The following CTPS2 variants were observed in gnomAD, a reference collection of about 807,000 sequenced individuals.
The protein encoded by CTPS2 is CTP synthase II.
In CTPS2, 19 loss-of-function variants were observed where a neutral mutation model predicts 46.8. That is an observed-to-expected ratio of 0.41 (90% CI 0.28 to 0.60). The LOEUF is 0.60. Among genes scored for constraint, CTPS2 ranks in the 20% least tolerant of loss-of-function variants. The pLI is 0.35. For missense variants in CTPS2, 286 were observed against 447.6 expected (o/e 0.64, Z 3.26); for synonymous variants, 151 against 165.2 (o/e 0.91, Z 0.66).
chrX:16,595,182 C>CACAT (rs62900861), intron 17 of CTPS2, among the ~76,000 whole-genome samples: 1 of 111,819 alleles, frequency 8.9e-6, no homozygotes, highest in Non-Finnish European at 1.9e-5. Flanking sequence ...CACACACACA[C>CACAT]ACACACACAC....
chrX:16,655,502 AC>A (rs1932796226), intron 13 of CTPS2, among the ~76,000 whole-genome samples: 1 of 111,298 alleles, frequency 9.0e-6, no homozygotes, highest in Admixed American at 9.5e-5. Flanking sequence ...ACTTTCTGCT[AC>A]CCCTTACCAG....
At chrX:16,668,172 G>A (rs1921355026) in intron 11 of CTPS2, among the ~76,000 whole-genome samples, 1 of 109,301 alleles carries the variant, frequency 9.1e-6, no homozygotes, top group South Asian at 4.0e-4. Context: ...TGAGGCAGGA[G>A]AATTACTTGA....
At chrX:16,673,039 A>C (rs995867460) in intron 10 of CTPS2, among the ~76,000 whole-genome samples, 1 of 104,765 alleles carries the variant, frequency 9.5e-6, no homozygotes, top group African/African-American at 3.5e-5. Context: ...GGCGCCCGCC[A>C]CTACGCCCGG....
intron 17 of CTPS2, among the ~76,000 whole-genome samples, chrX:16,596,734 G>C (rs1412419626): frequency 7.6e-5 from 8 of 105,658 alleles, no homozygotes; most frequent in Non-Finnish European, 1.4e-4. Context: ...GGGTCAAATG[G>C]TATTTCTAGT....
intron 17 of CTPS2, among the ~76,000 whole-genome samples, chrX:16,606,002 A>C (rs1929950648): frequency 8.9e-6 from 1 of 112,344 alleles, no homozygotes; most frequent in African/African-American, 3.2e-5. Flanking sequence ...TTAGCTCACT[A>C]GCTGTAAATC....
chrX:16,654,024 C>A (rs1259059885), intron 13 of CTPS2, among the ~76,000 whole-genome samples: 1 of 111,950 alleles, frequency 8.9e-6, no homozygotes, highest in African/African-American at 3.2e-5. Context: ...TCCAGGAAAA[C>A]CTTGGGGCAG....
intron 1 of CTPS2, among the ~76,000 whole-genome samples, chrX:16,706,100 C>CAA (rs750908411): frequency 2.6e-5 from 2 of 76,604 alleles, no homozygotes; most frequent in East Asian, 7.9e-4. Flanking sequence ...GACTCTGCCT[C>CAA]AAAAAAAAAA....
At chrX:16,624,880 G>A (rs1180639506) in intron 14 of CTPS2, among the ~76,000 whole-genome samples, 1 of 112,288 alleles carries the variant, frequency 8.9e-6, no homozygotes, top group Non-Finnish European at 1.9e-5. Context: ...CAGGCAGAAA[G>A]ACACCAAAAA....
intron 17 of CTPS2, among the ~76,000 whole-genome samples, chrX:16,607,743 T>C (rs1351801354): frequency 8.9e-6 from 1 of 112,864 alleles, no homozygotes; most frequent in Non-Finnish European, 1.9e-5. Flanking sequence ...TTTGCCAGAA[T>C]GAGGGTTGGC....
rs371099935 is a variant in CTPS2 at position 16,633,138 on chromosome X, C to T, written c.1393+6009G>A. On this transcript the variant is annotated intron_variant, in intron 14 of 18. Transcript: ENST00000359276. ...TCACTCTATTGCCCAGACTGGAGTG[C>T]GGTGGTACAATCATGGCTCACTGCA... Among the ~76,000 whole-genome samples, 10 of 99,884 alleles carry T rather than the reference C, an allele frequency of 1.0e-4. No individual in the cohort carries two copies. In the Admixed American group the frequency reaches 1.0e-3, roughly 10 times the overall value. The allele number at this position is 99,884 out of a possible 115,157, so 86.7% of individuals were successfully genotyped here.
At chrX:16,711,508 C>G (rs1446765849) in intron 1 of CTPS2, 1 of 110,935 alleles carries the variant, frequency 9.0e-6, no homozygotes, top group East Asian at 2.8e-4. Context: ...CAAAAGAGTA[C>G]TTACCTGATG....
chrX:16,604,966 G>A (rs945009852), intron 17 of CTPS2, among the ~76,000 whole-genome samples: 2 of 112,052 alleles, frequency 1.8e-5, no homozygotes, highest in Non-Finnish European at 3.8e-5. Context: ...AGTTAGACTC[G>A]TGTAAAAAAA....
chrX:16,678,800 C>T (rs1010910539), intron 9 of CTPS2, among the ~76,000 whole-genome samples: 2 of 109,247 alleles, frequency 1.8e-5, no homozygotes, highest in Admixed American at 2.0e-4. Context: ...CTGGGAGGTC[C>T]GGGCTGCAAT....
At chrX:16,699,218 CT>C in intron 2 of CTPS2, 125 bp from the exon 3 acceptor site, 1 of 433,215 alleles carries the variant, frequency 2.3e-6, no homozygotes, top group Non-Finnish European at 3.8e-6. Flanking sequence ...TCACCATCTC[CT>C]TTTTGGTGGA....
At chrX:16,663,881 G>C (rs1184981399) in intron 13 of CTPS2, among the ~76,000 whole-genome samples, 1 of 110,505 alleles carries the variant, frequency 9.0e-6, no homozygotes, top group Non-Finnish European at 1.9e-5. Context: ...TGTCACCCAG[G>C]CTGGAGTACA....
chrX:16,588,655 A>T lies in CTPS2; in HGVS notation c.*1162T>A, dbSNP rs972869290. On this transcript the variant is annotated 3_prime_UTR_variant, in exon 19 of 19. Transcript: ENST00000359276. The stretch of plus-strand genomic sequence containing the variant: ...ATATCCAGAATAGAAAAAGCCACAG[A>T]AATAAAAAGGAGATCAGTGGTTGCC... 1 of 111,999 alleles carries T rather than the reference A, an allele frequency of 8.9e-6. No homozygotes were observed. The allele number at this position is 111,999 out of a possible 1,213,427, so 9.2% of individuals were successfully genotyped here. A position where few individuals can be genotyped will look rare whatever the true frequency, so the allele number is the denominator to read the frequency against.
chrX:16,700,576 A>G (rs1924483026), intron 2 of CTPS2, among the ~76,000 whole-genome samples: 1 of 108,581 alleles, frequency 9.2e-6, no homozygotes, highest in Non-Finnish European at 1.9e-5. Context: ...AAAGAAAAAA[A>G]AAATCATTAA....
Position 16,693,180 on chromosome X carries a change from G to A in CTPS2, c.600C>T (p.Ser200=), listed in dbSNP as rs763593801. 3.3e-6 allele frequency: 4 copies of A among 1,207,937 alleles called. No individual in the cohort carries two copies. The highest frequency in any genetic ancestry group is 1.8e-5 in the African/African-American group (1 of 56,863). The change falls in exon 6 of 19, where the codon AGC becomes AGT. Residue 200 remains serine (S), a synonymous_variant. Transcript: ENST00000359276. The part of the protein sequence containing the change: ...GEQKTKPTQN[S]VRALRGLGLS... The stretch of plus-strand genomic sequence containing the variant: ...GGCCTAAACCCCTCAGTGCGCGGAC[G>A]CTGTTTTGGGTGGGTTTGGTTTTTT...
At position 16,619,090 on chromosome X, in the gene CTPS2, A is replaced by G. The variant is rs143343276; in HGVS notation, c.1449+1187T>C. On this transcript the variant is annotated intron_variant, in intron 15 of 18. Coordinates refer to ENST00000359276, the MANE Select transcript of CTPS2 (RefSeq NM_175859.3). The stretch of plus-strand genomic sequence containing the variant: ...ATCCCACCAGTTGGGCCCGTTCCCA[A>G]TGGAAATAAGACCAAAAATGTCCTA... 4.0e-3 allele frequency among the ~76,000 whole-genome samples: 455 copies of G among 112,514 alleles called. 1 individual carries two copies. The highest frequency in any genetic ancestry group is 6.6e-3 in the Non-Finnish European group (353 of 53,300).
Sources: gnomAD v4.1 joint callset for allele counts (sites outside exome capture counted in the v4.1 genomes callset) on GRCh38, gnomAD v4.1.1 for gene constraint, MANE v1.5 for transcripts, NCBI Gene and HGNC (gene_info 2026-07-23, HGNC 2026-07-21) for gene names.